TSPAN9: variants seen among roughly 807,000 people sequenced by gnomAD.
The protein encoded by TSPAN9 is tetraspanin-9.
A neutral mutation model predicts 31.0 loss-of-function variants in TSPAN9; 16 were observed. The observed-to-expected ratio is 0.52, with a 90% CI of 0.35 to 0.78. The LOEUF (loss-of-function observed/expected upper bound fraction) is 0.78, where lower values mean the gene tolerates loss of function less well. Among genes scored for constraint, TSPAN9 ranks in the 30% least tolerant of loss-of-function variants. The pLI is 0.01. For synonymous variants in TSPAN9, 145 were observed against 121.6 expected, an observed-to-expected ratio of 1.19 and a Z score of -1.27; for missense variants, 272 against 312.5, an observed-to-expected ratio of 0.87 and a Z score of 0.98.
At chr12:3,117,714 A>C (rs1246868295) in intron 2 of TSPAN9, among the ~76,000 whole-genome samples, 1 of 152,128 alleles carries the variant, frequency 6.6e-6, no homozygotes, top group Non-Finnish European at 1.5e-5. Flanking sequence ...GTGGTTAGTT[A>C]CTCATTCAGA....
At chr12:3,205,518 G>C (rs1441548877) in intron 3 of TSPAN9, among the ~76,000 whole-genome samples, 3 of 152,202 alleles carry the variant, frequency 2.0e-5, no homozygotes, top group Non-Finnish European at 4.4e-5. Flanking sequence ...GCCTCTGTGG[G>C]CTCGGGCTGA....
At chr12:3,272,136 C>T (rs544677428) in intron 3 of TSPAN9, among the ~76,000 whole-genome samples, 1 of 152,306 alleles carries the variant, frequency 6.6e-6, no homozygotes, top group South Asian at 2.1e-4. Context: ...GGGGCCAGGT[C>T]AGGGGCCACC....
At chr12:3,136,978 G>A (rs1315797510) in intron 2 of TSPAN9, among the ~76,000 whole-genome samples, 5 of 152,216 alleles carry the variant, frequency 3.3e-5, no homozygotes, top group African/African-American at 1.2e-4. Context: ...GGCTTCGGGT[G>A]TGGAAGGGCA....
intron 2 of TSPAN9, among the ~76,000 whole-genome samples, chr12:3,103,053 T>TGG (rs2098312593): frequency 6.6e-6 from 1 of 152,186 alleles, no homozygotes; most frequent in South Asian, 2.1e-4. Flanking sequence ...CTGGCTCCCT[T>TGG]GGGGGATGTC....
intron 2 of TSPAN9, among the ~76,000 whole-genome samples, chr12:3,124,121 GT>G (rs1237925083): frequency 2.0e-5 from 3 of 152,236 alleles, no homozygotes; most frequent in African/African-American, 7.2e-5. Flanking sequence ...CAAAACAGAA[GT>G]GAGAAATTCC....
At chr12:3,215,025 G>A (rs2098380634) in intron 3 of TSPAN9, among the ~76,000 whole-genome samples, 1 of 151,878 alleles carries the variant, frequency 6.6e-6, no homozygotes, top group Non-Finnish European at 1.5e-5. Context: ...CCCTGGCCCT[G>A]GCCTGCGCTC....
intron 3 of TSPAN9, among the ~76,000 whole-genome samples, chr12:3,260,198 G>A (rs7315858): frequency 3.3e-5 from 5 of 152,252 alleles, no homozygotes; most frequent in Admixed American, 6.5e-5. Context: ...TTACCATCCT[G>A]TGCGGTGCTG....
intron 3 of TSPAN9, among the ~76,000 whole-genome samples, chr12:3,236,507 GC>G (rs898936933): frequency 1.3e-5 from 2 of 152,198 alleles, no homozygotes; most frequent in African/African-American, 4.8e-5. Flanking sequence ...TGAGGCCCGT[GC>G]CCTTCGCTGC....
intron 3 of TSPAN9, among the ~76,000 whole-genome samples, chr12:3,245,225 G>A (rs1165886223): frequency 6.6e-6 from 1 of 152,192 alleles, no homozygotes; most frequent in East Asian, 1.9e-4. Flanking sequence ...ACCAAAGCAC[G>A]TTTCTTGCAC....
At chr12:3,116,500 C>G (rs556026080) in intron 2 of TSPAN9, among the ~76,000 whole-genome samples, 1 of 152,072 alleles carries the variant, frequency 6.6e-6, no homozygotes, top group Non-Finnish European at 1.5e-5. Context: ...TACTCAAAAC[C>G]GAGAAAGAGC....
intron 3 of TSPAN9, chr12:3,206,454 G>A: frequency 2.3e-6 from 1 of 428,754 alleles, no homozygotes; most frequent in South Asian, 1.6e-5. Context: ...CAGCAGGCCT[G>A]CACCCAGAGC....
At chr12:3,109,821 TTTAGGGCATA>T (rs773429351) in intron 2 of TSPAN9, among the ~76,000 whole-genome samples, 5,797 of 150,560 alleles carry the variant, frequency 0.039, 156 homozygotes, top group Middle Eastern at 0.12. Flanking sequence ...AAAAAGACTT[TTTAGGGCATA>T]AAACTACAAT....
chr12:3,282,835 G>A lies in TSPAN9; in HGVS notation c.649-210G>A, dbSNP rs560477872. Among the ~76,000 whole-genome samples, 14 of 152,364 alleles carry A rather than the reference G, an allele frequency of 9.2e-5. No individual in the cohort carries two copies. In the East Asian group the frequency reaches 2.5e-3, roughly 27 times the overall value. On this transcript the variant is annotated intron_variant, in intron 8 of 8. Transcript: ENST00000011898. ...ATGGCTTCTGGTCTAACAGCCCCAC[G>A]AGGCTGAGCCAGAGTTCACCTGTGT...
intron 2 of TSPAN9, among the ~76,000 whole-genome samples, chr12:3,132,123 T>C (rs2098330075): frequency 1.3e-5 from 2 of 152,258 alleles, no homozygotes; most frequent in Non-Finnish European, 2.9e-5. Flanking sequence ...GGCTGAATAC[T>C]ACTCCATTAT....
chr12:3,152,110 G>T (rs904352828), intron 2 of TSPAN9, among the ~76,000 whole-genome samples: 1 of 152,204 alleles, frequency 6.6e-6, no homozygotes, highest in African/African-American at 2.4e-5. Context: ...TCATGGCGGG[G>T]AATCTCTCCC....
chr12:3,261,971 C>T (rs1045810007), intron 3 of TSPAN9, among the ~76,000 whole-genome samples: 2 of 152,236 alleles, frequency 1.3e-5, no homozygotes, highest in African/African-American at 4.8e-5. Flanking sequence ...GCAGAGTCTG[C>T]AGGATTACAT....
intron 3 of TSPAN9, among the ~76,000 whole-genome samples, chr12:3,246,581 C>T (rs1002549550): frequency 6.6e-6 from 1 of 152,196 alleles, no homozygotes; most frequent in Admixed American, 6.5e-5. Flanking sequence ...CCCATTCCTC[C>T]CTCAGTGCCA....
chr12:3,089,879 C>A (rs1268449697), intron 2 of TSPAN9, among the ~76,000 whole-genome samples: 3 of 152,060 alleles, frequency 2.0e-5, no homozygotes, highest in African/African-American at 4.8e-5. Context: ...GTACTCCAGC[C>A]TGGGCAACAG....
rs576426661 is a variant in TSPAN9 at position 3,202,949 on chromosome 12, C to T, written c.63+1693C>T. ...GACCCATCTGCCAGCATCTGTCAGC[C>T]AAGTACTGGTGTGTGCTTCCCTGGT... On this transcript the variant is annotated intron_variant, in intron 3 of 8. Coordinates refer to ENST00000011898, the MANE Select transcript of TSPAN9 (RefSeq NM_006675.5). Among the ~76,000 whole-genome samples, 4 of 152,356 alleles carry T rather than the reference C, an allele frequency of 2.6e-5. No individual in the cohort carries two copies. In the East Asian group the frequency reaches 7.7e-4, roughly 29 times the overall value.
Sources: allele counts gnomAD v4.1 joint callset (sites outside exome capture counted in the v4.1 genomes callset), GRCh38; gene constraint gnomAD v4.1.1; transcripts MANE v1.5; gene names NCBI Gene and HGNC (gene_info 2026-07-23, HGNC 2026-07-21).